Variants in SYNE2 observed in about 807,000 individuals in gnomAD.
SYNE2 encodes the protein nesprin-2.
A neutral mutation model predicts 856.3 loss-of-function variants in SYNE2; 431 were observed. That is an observed-to-expected ratio of 0.50 (90% CI 0.47 to 0.55). The LOEUF (loss-of-function observed/expected upper bound fraction) is 0.55. Ranked by LOEUF, SYNE2 falls within the 20% of genes least tolerant of loss-of-function variation. The pLI, the probability that SYNE2 is intolerant of heterozygous loss-of-function variation, is 0.00. For missense variants in SYNE2, 8,129 were observed against 8,023.2 expected (o/e 1.01, Z -0.50); for synonymous variants, 2,923 against 2,872.3 (o/e 1.02, Z -0.56).
intron 76 of SYNE2, among the ~76,000 whole-genome samples, chr14:64,131,420 C>A (rs975539995): frequency 6.6e-6 from 1 of 152,170 alleles, no homozygotes; most frequent in African/African-American, 2.4e-5. Flanking sequence ...GCAGCAAATT[C>A]CCTTTATTTA....
At chr14:63,873,345 A>C (rs2094633023) in intron 1 of SYNE2, 1 of 151,966 alleles carries the variant, frequency 6.6e-6, no homozygotes, top group Non-Finnish European at 1.5e-5. Context: ...ATAGTCATGC[A>C]GGTGAAGGTG....
At position 63,993,923 on chromosome 14, in the gene SYNE2, A is replaced by C. The variant is rs749528519; in HGVS notation, c.2735A>C (p.Lys912Thr). The C allele has an allele frequency of 6.8e-6, 11 of 1,613,582 alleles. No individual in the cohort carries two copies. Among genetic ancestry groups the C allele is most frequent in the Non-Finnish European group, 9.3e-6 (11 of 1,179,544 alleles). The change falls in exon 22 of 116, where the codon AAG becomes ACG. Residue 912 changes from lysine (K) to threonine (T), a missense_variant. By Grantham distance (78) the Lys-to-Thr change is moderately conservative. Transcript: ENST00000555002. ...AAAAATAATGTAACTGAGGACATAA[A>C]GATGTCTTTAGAAGAAAAGAGTAGA... ...ELKNNVTEDI[K>T]MSLEEKSRDV...
intron 1 of SYNE2, among the ~76,000 whole-genome samples, chr14:63,898,726 A>G (rs542270216): frequency 1.2e-3 from 187 of 152,282 alleles, no homozygotes; most frequent in Admixed American, 4.3e-3. Flanking sequence ...CTTTCTAAGA[A>G]CAAGTGTTTA....
chr14:63,991,625 T>C (rs1396485270), intron 21 of SYNE2, among the ~76,000 whole-genome samples: 1 of 152,194 alleles, frequency 6.6e-6, no homozygotes, highest in African/African-American at 2.4e-5. Context: ...TTCAGGTTGA[T>C]TTTTATGGTT....
At chr14:64,215,506 C>G in intron 107 of SYNE2, 152 bp downstream of exon 107, 1 of 810,678 alleles carries the variant, frequency 1.2e-6, no homozygotes, top group Non-Finnish European at 2.1e-6. Context: ...CTGCCGTACT[C>G]ACCCATAACT....
chr14:63,771,060 T>C (rs1183141670), intron 1 of SYNE2, among the ~76,000 whole-genome samples: 2 of 145,650 alleles, frequency 1.4e-5, no homozygotes, highest in African/African-American at 2.6e-5. Flanking sequence ...GAAACCCTTA[T>C]ACACTCTTTT....
chr14:63,813,796 G>A lies in SYNE2; in HGVS notation c.-304-38705G>A, dbSNP rs561166326. On this transcript the variant is annotated intron_variant, in intron 1 of 23. Coordinates refer to the SYNE2 transcript ENST00000674003. ...AGACCGGGTGTGGTGGCTCATGCCT[G>A]TAATCCCAGTACTTTGGGAGGCCAA... is the stretch of plus-strand genomic sequence containing the variant. 2.0e-5 allele frequency among the ~76,000 whole-genome samples: 3 copies of A among 152,350 alleles called. No homozygotes were observed. The East Asian group carries it at 5.8e-4, about 29-fold the overall frequency.
intron 2 of SYNE2, among the ~76,000 whole-genome samples, chr14:63,916,145 TCTTTAA>T (rs978502600): frequency 1.3e-5 from 2 of 152,090 alleles, no homozygotes; most frequent in African/African-American, 4.8e-5. Context: ...TGAGTTGAAG[TCTTTAA>T]CTTTAAAGGG....
chr14:63,846,236 CA>C (rs1212297465), intron 1 of SYNE2, among the ~76,000 whole-genome samples: 1 of 151,140 alleles, frequency 6.6e-6, no homozygotes, highest in Non-Finnish European at 1.5e-5. Context: ...TTTGGAGAGA[CA>C]GGGGCTCACC....
chr14:63,997,202 GC>G (rs1432294405), intron 24 of SYNE2, 44 bp downstream of exon 24: 2 of 1,598,422 alleles, frequency 1.3e-6, no homozygotes, highest in Admixed American at 1.7e-5. Flanking sequence ...ATAAAACGAA[GC>G]CTTTTGCACG....
rs562082597 is a variant in SYNE2, at chr14:64,170,427, C to G, written c.17200C>G (p.Leu5734Val). ...SAVKGQERFS[L>V]YQTRSLIHEL... ...AGTGAAGGGCCAGGAGCGCTTCAGCCTCTACCAAACCAGAAGTCTGATCCA... is the reference window on the plus strand; with the variant it reads ...AGTGAAGGGCCAGGAGCGCTTCAGCGTCTACCAAACCAGAAGTCTGATCCA... Residue 5734 changes from leucine (L) to valine (V), a missense_variant, in exon 94 of 116, where the codon CTC becomes GTC. Transcript: ENST00000555002. 10 of 1,613,748 alleles carry G rather than the reference C, an allele frequency of 6.2e-6. No homozygotes were observed. In the Admixed American group the frequency reaches 1.5e-4, roughly 24 times the overall value.
chr14:64,052,312 A>G lies in SYNE2; in HGVS notation c.8399A>G (p.Glu2800Gly). The change falls in exon 48 of 116, where the codon GAG (glutamate) becomes GGG (glycine). Residue 2800 changes from glutamate (E) to glycine (G), a missense_variant. Glu to Gly is a moderately conservative substitution (Grantham distance 98). Transcript: ENST00000555002. ...KDKVPSLTTY[E>G]GSDLNNTLED... ...AAGGTTCCTAGCCTTACAACCTATG[A>G]GGGCAGTGATTTAAATAATACCCTA... The G allele has an allele frequency of 6.2e-7, 1 of 1,614,188 alleles. No homozygotes were observed. Among genetic ancestry groups the G allele is most frequent in the Non-Finnish European group, 8.5e-7 (1 of 1,180,026 alleles).
At position 64,218,443 on chromosome 14, in the gene SYNE2, C is replaced by T. The variant is rs2098677118; in HGVS notation, c.19588C>T (p.Pro6530Ser). ...AGGCACGGATGGTGGCAAAGAAGGC[C>T]CGCGAGTCCTGAATGGCAACCCACA... ...PPGTDGGKEGPRVLNGNPQQE... is the reference protein window; with the variant it reads ...PPGTDGGKEGSRVLNGNPQQE... Residue 6530 changes from proline to serine, a missense_variant, in exon 109 of 116, where the codon CCG becomes TCG. Pro to Ser is a moderately conservative substitution (Grantham distance 74). Around this residue, in one of 3 missense-constraint regions of SYNE2, gnomAD observed 5,410 missense variants for 5,284.8 expected, o/e 1.02. Coordinates refer to ENST00000555002, the MANE Select transcript of SYNE2 (RefSeq NM_182914.3). The T allele has an allele frequency of 6.2e-7, 1 of 1,613,948 alleles. No individual in the cohort carries two copies. Among genetic ancestry groups the T allele is most frequent in the South Asian group, 1.1e-5 (1 of 91,072 alleles).
chr14:63,947,282 A>G (rs1366659904), intron 6 of SYNE2, among the ~76,000 whole-genome samples: 31 of 152,326 alleles, frequency 2.0e-4, no homozygotes. Flanking sequence ...AACAGTGACC[A>G]CTAGCCACTT....
In SYNE2 at chr14:64,010,134, T is replaced by C. The variant is rs369677314; in HGVS notation, c.4728+18T>C. On this transcript the variant is annotated intron_variant, in intron 32 of 115. Coordinates refer to ENST00000555002, the MANE Select transcript of SYNE2 (RefSeq NM_182914.3). Reference sequence around the variant, plus strand: ...TAGCAGAGGTGAGTCCAGGTTCCATTAGAAAAAACTGCCCAGTGACCTCAC... The same window carrying C: ...TAGCAGAGGTGAGTCCAGGTTCCATCAGAAAAAACTGCCCAGTGACCTCAC... The C allele has an allele frequency of 4.4e-6, 7 of 1,604,228 alleles. No individual in the cohort carries two copies. The highest frequency in any genetic ancestry group is 1.3e-5 in the African/African-American group (1 of 74,700).
chr14:64,097,146 A>T (rs2097684096), intron 61 of SYNE2, among the ~76,000 whole-genome samples: 1 of 152,230 alleles, frequency 6.6e-6, no homozygotes, highest in African/African-American at 2.4e-5. Context: ...TCTGCCATGA[A>T]TAAGAAATTT....
chr14:64,225,101 C>T, intron 115 of SYNE2, 56 bp downstream of exon 115: 4 of 1,599,256 alleles, frequency 2.5e-6, no homozygotes, highest in Middle Eastern at 1.7e-4. Flanking sequence ...CTCCCACTGA[C>T]TCAGTCTTGC....
rs749724415 is a variant in SYNE2, at chr14:63,954,863, C to T, written c.735C>T (p.Ala245=). 6.2e-7 allele frequency: 1 copy of T among 1,613,776 alleles called. No homozygotes were observed. Among genetic ancestry groups the T allele is most frequent in the Non-Finnish European group, 8.5e-7 (1 of 1,179,838 alleles). Residue 245 remains alanine (A), a synonymous_variant, in exon 8 of 116, where the codon GCC becomes GCT. Coordinates refer to ENST00000555002, the MANE Select transcript of SYNE2 (RefSeq NM_182914.3). ...CCAACAAAGACAATCTGAGAGAGGC[C>T]TTCAGAATTGCAGAACAAGAATTAA... ...HRSNKDNLRE[A]FRIAEQELKI...
chr14:64,124,932 G>A (rs1730919838), intron 70 of SYNE2, 147 bp from the exon 71 acceptor site: 1 of 953,204 alleles, frequency 1.0e-6, no homozygotes, highest in East Asian at 2.8e-5. Context: ...GAACATGGGA[G>A]ACAGAGGTTT....
Sources: gnomAD v4.1 joint callset for allele counts (sites outside exome capture counted in the v4.1 genomes callset) on GRCh38, gnomAD v4.1.1 for gene constraint, gnomAD v4.1.1 regional missense constraint, MANE v1.5 for transcripts, NCBI Gene and HGNC (gene_info 2026-07-23, HGNC 2026-07-21) for gene names.